ZNF69: variants seen among roughly 807,000 people sequenced by gnomAD.
The protein encoded by ZNF69 is ZNF3.
ZNF69 carries 47 observed loss-of-function variants against 50.9 expected under a neutral mutation model. That is an observed-to-expected ratio of 0.92 (90% CI 0.73 to 1.18). The LOEUF (loss-of-function observed/expected upper bound fraction) is 1.18. ZNF69 is among the 50% of genes most tolerant of loss of function. The pLI is 0.00. For synonymous variants in ZNF69, 216 were observed against 223.1 expected (o/e 0.97, Z 0.29); for missense variants, 717 against 675.1 (o/e 1.06, Z -0.69).
the ZNF69 span, among the ~76,000 whole-genome samples, chr19:11,954,276 G>C: frequency 2.8e-4 from 43 of 152,160 alleles, no homozygotes; most frequent in Non-Finnish European, 5.1e-4. Context: ...GACAGATTCT[G>C]CAAGAGGAAA....
At chr19:11,926,049 T>G in the ZNF69 span, among the ~76,000 whole-genome samples, 1 of 151,754 alleles carries the variant, frequency 6.6e-6, no homozygotes, top group South Asian at 2.1e-4. Flanking sequence ...TGGTTGAGAG[T>G]GTGAAGTTTG....
the ZNF69 span, among the ~76,000 whole-genome samples, chr19:11,965,576 C>T: frequency 1.3e-5 from 2 of 151,782 alleles, no homozygotes; most frequent in Admixed American, 6.5e-5. Context: ...GTCTGTGGGG[C>T]CCCCAGTTCC....
downstream of ZNF69, among the ~76,000 whole-genome samples, chr19:11,917,649 C>T (rs10413250): frequency 6.3e-5 from 6 of 94,838 alleles, no homozygotes; most frequent in Admixed American, 3.9e-4. Context: ...GTTTGTTTGT[C>T]TATTTTTCAG....
chr19:11,957,096 T>G, the ZNF69 span, among the ~76,000 whole-genome samples: 3 of 151,138 alleles, frequency 2.0e-5, no homozygotes, highest in Non-Finnish European at 4.4e-5. Context: ...AATAAGTTTT[T>G]TTTTTTTTTT....
At chr19:11,967,825 T>C in the ZNF69 span, among the ~76,000 whole-genome samples, 1 of 152,268 alleles carries the variant, frequency 6.6e-6, no homozygotes, top group Admixed American at 6.5e-5. Flanking sequence ...GTAGGGGTCT[T>C]GTCTATGTAA....
the ZNF69 span, among the ~76,000 whole-genome samples, chr19:11,967,380 C>G: frequency 8.5e-5 from 13 of 152,108 alleles, no homozygotes; most frequent in Non-Finnish European, 1.6e-4. Context: ...GAAGACCAAC[C>G]TGGCTAACAC....
chr19:11,919,386 T>A, the ZNF69 span, among the ~76,000 whole-genome samples: 2 of 152,134 alleles, frequency 1.3e-5, no homozygotes, highest in East Asian at 3.9e-4. Context: ...TAAAGTCCTG[T>A]CTGATTACAT....
rs1281791640 is a variant in ZNF69, at chr19:11,904,827, A to G, written c.430A>G (p.Asn144Asp). 6.2e-7 allele frequency: 1 copy of G among 1,614,126 alleles called. No individual in the cohort carries two copies. Among genetic ancestry groups the G allele is most frequent in the Admixed American group, 1.7e-5 (1 of 60,018 alleles). The change falls in exon 4 of 4, where the codon AAC (asparagine) becomes GAC (aspartate). Residue 144 changes from asparagine (N) to aspartate (D), a missense_variant. Physicochemically the swap from Asn to Asp is conservative, Grantham distance 23 (BLOSUM62 1). Transcript: ENST00000429654. Reference protein sequence around the residue: ...VGLGNSSFNMNIRGDIGHKAY... With the variant: ...VGLGNSSFNMDIRGDIGHKAY... Reference sequence around the variant, plus strand: ...CCTAGGTAACTCATCTTTTAATATGAACATCAGAGGTGACATTGGACACAA... The same window carrying G: ...CCTAGGTAACTCATCTTTTAATATGGACATCAGAGGTGACATTGGACACAA...
intron 1 of ZNF69, among the ~76,000 whole-genome samples, chr19:11,891,485 G>T (rs1048916102): frequency 2.6e-5 from 4 of 152,070 alleles, no homozygotes; most frequent in African/African-American, 9.7e-5. Context: ...CTCTGTTACA[G>T]AGTAGGGCAT....
rs1167327141 is a variant in ZNF69 at position 11,906,305 on chromosome 19, C to G, written c.*207C>G. 4.3e-6 allele frequency: 6 copies of G among 1,383,826 alleles called. No individual in the cohort carries two copies. Among genetic ancestry groups the G allele is most frequent in the African/African-American group, 1.5e-5 (1 of 68,882 alleles). 85.7% of individuals were successfully genotyped at this position (1,383,826 alleles called of 1,614,324 possible). On this transcript the variant is annotated 3_prime_UTR_variant, in exon 4 of 4. Transcript: ENST00000429654. ...CTTCTGCAGACTTAAATGTCCCTGT[C>G]TGACAGCTTTGAAGAGAGTAGCAGT...
the ZNF69 span, among the ~76,000 whole-genome samples, chr19:11,932,743 T>G: frequency 6.9e-6 from 1 of 145,532 alleles, no homozygotes; most frequent in Non-Finnish European, 1.5e-5. Flanking sequence ...GTTCACGCCA[T>G]TCTCCTGTCT....
rs1178761248 is a variant in ZNF69 at position 11,905,194 on chromosome 19, A to G, written c.797A>G (p.His266Arg). 1 of 1,614,174 alleles carries G rather than the reference A, an allele frequency of 6.2e-7. No homozygotes were observed. Among genetic ancestry groups the G allele is most frequent in the Admixed American group, 1.7e-5 (1 of 60,020 alleles). Residue 266 changes from histidine to arginine, a missense_variant, in exon 4 of 4, where the codon CAC becomes CGC. His to Arg is a conservative substitution (Grantham distance 29). Transcript: ENST00000429654. ...AGTTATTCTGCTACCCTTCGAATAC[A>G]CGAAAGAACTCACACTGGAGAAAAG... The part of the protein sequence containing the change: ...SFSYSATLRI[H>R]ERTHTGEKPY...
chr19:11,962,291 C>T, the ZNF69 span, among the ~76,000 whole-genome samples: 1 of 152,320 alleles, frequency 6.6e-6, no homozygotes, highest in East Asian at 1.9e-4. Context: ...GATACTCCCA[C>T]TCTCATAGTG....
Position 11,887,876 on chromosome 19 carries a change from G to A in ZNF69, c.-48G>A, listed in dbSNP as rs1976984611. On this transcript the variant is annotated 5_prime_UTR_variant, in exon 1 of 4. Transcript: ENST00000429654. ...GGATCCGGTCTTTCCAGCCCCGAGA[G>A]GGACCTGGTTCCTCTGCCCAGGCTT... is the stretch of plus-strand genomic sequence containing the variant. The A allele has an allele frequency of 6.3e-7, 1 of 1,575,012 alleles. No individual in the cohort carries two copies. Among genetic ancestry groups the A allele is most frequent in the Admixed American group, 1.7e-5 (1 of 58,604 alleles).
chr19:11,965,248 G>A, the ZNF69 span: 1 of 1,613,508 alleles, frequency 6.2e-7, no homozygotes, highest in Non-Finnish European at 8.5e-7. Flanking sequence ...AGACGGGGTA[G>A]AGGCTGCCTG....
downstream of ZNF69, among the ~76,000 whole-genome samples, chr19:11,909,316 A>G (rs1369378404): frequency 1.3e-5 from 2 of 152,228 alleles, no homozygotes; most frequent in Non-Finnish European, 2.9e-5. Context: ...TCCCTAACTC[A>G]TTTTATGAGG....
the ZNF69 span, among the ~76,000 whole-genome samples, chr19:11,934,294 T>G: frequency 6.8e-6 from 1 of 147,888 alleles, no homozygotes; most frequent in Non-Finnish European, 1.5e-5. Context: ...TTCAGTTCAT[T>G]TGGGTCAATA....
At chr19:11,937,968 T>A in the ZNF69 span, among the ~76,000 whole-genome samples, 1 of 152,188 alleles carries the variant, frequency 6.6e-6, no homozygotes, top group African/African-American at 2.4e-5. Flanking sequence ...CAGTAGGATA[T>A]AAATAACTCC....
chr19:11,947,557 C>T, the ZNF69 span: 1 of 1,613,428 alleles, frequency 6.2e-7, no homozygotes, highest in East Asian at 2.2e-5. Flanking sequence ...AGTACCAAAA[C>T]CCCAGAAGAA....
Sources: allele counts gnomAD v4.1 joint callset (sites outside exome capture counted in the v4.1 genomes callset), GRCh38; gene constraint gnomAD v4.1.1; transcripts MANE v1.5; gene names NCBI Gene and HGNC (gene_info 2026-07-23, HGNC 2026-07-21).